Variants in SORL1 observed in about 807,000 individuals in gnomAD.
The protein encoded by SORL1 is sortilin related receptor 1, also known as sortilin-related receptor.
A neutral mutation model predicts 273.7 loss-of-function variants in SORL1; 127 were observed. That is an observed-to-expected ratio of 0.46 (90% CI 0.40 to 0.54). SORL1 has a LOEUF of 0.54. Ranked by LOEUF, SORL1 falls within the 20% of genes least tolerant of loss-of-function variation. SORL1 has a pLI of 0.00. For missense variants in SORL1, 2,494 were observed against 2,846.1 expected (o/e 0.88, Z 2.81); for synonymous variants, 1,031 against 1,067.4 (o/e 0.97, Z 0.66).
chr11:121,494,832 G>A (rs1422346816), intron 5 of SORL1, among the ~76,000 whole-genome samples: 3 of 152,118 alleles, frequency 2.0e-5, no homozygotes, highest in Admixed American at 1.3e-4. Flanking sequence ...CCTCTCTGCC[G>A]TTTTAAAAAT....
chr11:121,484,342 C>T (rs987679234), intron 3 of SORL1, among the ~76,000 whole-genome samples: 1 of 152,148 alleles, frequency 6.6e-6, no homozygotes, highest in Non-Finnish European at 1.5e-5. Flanking sequence ...CCCTGGAAGA[C>T]ATGAGGATGA....
intron 3 of SORL1, among the ~76,000 whole-genome samples, chr11:121,485,493 T>G (rs1393597440): frequency 6.6e-6 from 1 of 152,214 alleles, no homozygotes; most frequent in Admixed American, 6.5e-5. Context: ...TGAGTCACTG[T>G]GAACCCTGAA....
intron 25 of SORL1, among the ~76,000 whole-genome samples, chr11:121,580,725 C>G (rs1448868882): frequency 1.3e-5 from 2 of 151,602 alleles, no homozygotes; most frequent in African/African-American, 2.4e-5. Context: ...CCGCCTTAGC[C>G]TCTTGAGTAG....
chr11:121,525,650 AGTT>A (rs1862110083), intron 11 of SORL1, among the ~76,000 whole-genome samples: 1 of 152,230 alleles, frequency 6.6e-6, no homozygotes, highest in East Asian at 1.9e-4. Context: ...ATCTCATTGT[AGTT>A]GTAATTGGCA....
intron 26 of SORL1, among the ~76,000 whole-genome samples, chr11:121,584,403 C>T (rs1225806418): frequency 6.6e-6 from 1 of 152,174 alleles, no homozygotes; most frequent in Non-Finnish European, 1.5e-5. Flanking sequence ...TACCTAGTGA[C>T]ATTAACCATT....
intron 7 of SORL1, 73 bp downstream of exon 7, chr11:121,513,177 A>C: frequency 9.0e-7 from 1 of 1,107,180 alleles, no homozygotes; most frequent in Admixed American, 1.7e-5. Flanking sequence ...AGGTTGTTGC[A>C]GGGATGGCCT....
chr11:121,541,841 T>A (rs1862354157), intron 12 of SORL1, among the ~76,000 whole-genome samples: 1 of 152,354 alleles, frequency 6.6e-6, no homozygotes, highest in Non-Finnish European at 1.5e-5. Flanking sequence ...GTAAAATCAG[T>A]GCAGTTACTC....
intron 39 of SORL1, chr11:121,611,740 T>C (rs914520654): frequency 8.5e-5 from 13 of 152,388 alleles, no homozygotes; most frequent in African/African-American, 3.1e-4. Flanking sequence ...TCTCCATTGA[T>C]GAATTTGTGT....
chr11:121,547,372 A>G (rs1332229574), intron 14 of SORL1, among the ~76,000 whole-genome samples: 1 of 139,558 alleles, frequency 7.2e-6, no homozygotes, highest in African/African-American at 2.7e-5. Context: ...AAAAACAAAT[A>G]ACATTAAAAT....
intron 32 of SORL1, among the ~76,000 whole-genome samples, chr11:121,600,872 A>G (rs981865194): frequency 6.6e-6 from 1 of 151,380 alleles, no homozygotes; most frequent in Admixed American, 6.6e-5. Flanking sequence ...CCCAGATTCT[A>G]TTGTTTTTTT....
intron 3 of SORL1, among the ~76,000 whole-genome samples, chr11:121,480,152 T>C (rs1403758104): frequency 2.0e-5 from 3 of 152,196 alleles, no homozygotes; most frequent in African/African-American, 7.2e-5. Flanking sequence ...ATGTGTTGTA[T>C]GCTTGGAAAT....
intron 8 of SORL1, among the ~76,000 whole-genome samples, chr11:121,516,355 G>A (rs986010863): frequency 6.6e-6 from 1 of 152,154 alleles, no homozygotes; most frequent in African/African-American, 2.4e-5. Flanking sequence ...TGGGACGAGG[G>A]GTACGAAAGG....
Position 121,559,505 on chromosome 11 carries a change from G to A in SORL1, c.2911-14G>A, listed in dbSNP as rs1565336427. The A allele has an allele frequency of 6.2e-6, 10 of 1,611,294 alleles. No homozygotes were observed. Among genetic ancestry groups the A allele is most frequent in the Non-Finnish European group, 8.5e-6 (10 of 1,179,046 alleles). On this transcript the variant is annotated splice_polypyrimidine_tract_variant and intron_variant, in intron 20 of 47. Coordinates refer to ENST00000260197, the MANE Select transcript of SORL1 (RefSeq NM_003105.6). ...CGAAAGAGCTGGACTAATGGGCAAAGGTTTTCTTTTTAGAATGAAATCTAC... is the reference window on the plus strand; with the variant it reads ...CGAAAGAGCTGGACTAATGGGCAAAAGTTTTCTTTTTAGAATGAAATCTAC...
In SORL1 at chr11:121,604,340, CGGGCTGGGCT is replaced by C. The variant is rs746550595; in HGVS notation, c.4651+35_4651+44del. On this transcript the variant is annotated intron_variant, in intron 33 of 47. Coordinates refer to ENST00000260197, the MANE Select transcript of SORL1 (RefSeq NM_003105.6). ...GCCTGCAGTGGTGAGTGCCGGTCCA[CGGGCTGGGCT>C]GGGCTGGGCTGGGCTGGGAGGCTCG... 122 of 1,142,570 alleles carry C rather than the reference CGGGCTGGGCT, an allele frequency of 1.1e-4. No homozygotes were observed. The African/African-American group carries it at 1.4e-3, about 14-fold the overall frequency. 70.8% of individuals were successfully genotyped at this position (1,142,570 alleles called of 1,614,324 possible).
chr11:121,607,512 G>A (rs1164835517), intron 37 of SORL1, among the ~76,000 whole-genome samples: 1 of 152,206 alleles, frequency 6.6e-6, no homozygotes, highest in African/African-American at 2.4e-5. Context: ...ATAACCGGGC[G>A]TTTATGGGAA....
At chr11:121,497,389 T>G (rs1437159775) in intron 6 of SORL1, among the ~76,000 whole-genome samples, 2 of 152,212 alleles carry the variant, frequency 1.3e-5, no homozygotes, top group Non-Finnish European at 2.9e-5. Flanking sequence ...GGAGGGTGGC[T>G]CAGTGGCTTC....
At chr11:121,558,862 C>T in intron 20 of SORL1, 25 bp downstream of exon 20, 1 of 1,613,224 alleles carries the variant, frequency 6.2e-7, no homozygotes, top group Non-Finnish European at 8.5e-7. Flanking sequence ...TGCTGCCGGA[C>T]AGTCTGCTAG....
chr11:121,568,260 C>T (rs1025501177), intron 22 of SORL1, among the ~76,000 whole-genome samples: 2 of 152,186 alleles, frequency 1.3e-5, no homozygotes, highest in Non-Finnish European at 2.9e-5. Context: ...CAATACAAGC[C>T]TTTTAGTCAA....
At chr11:121,622,689 C>T (rs1360395507) in intron 45 of SORL1, among the ~76,000 whole-genome samples, 2 of 152,240 alleles carry the variant, frequency 1.3e-5, no homozygotes, top group East Asian at 3.9e-4. Flanking sequence ...TCAGCACTCT[C>T]TTCCCAGATA....
Sources: allele counts gnomAD v4.1 joint callset (sites outside exome capture counted in the v4.1 genomes callset), GRCh38; gene constraint gnomAD v4.1.1; transcripts MANE v1.5; gene names NCBI Gene and HGNC (gene_info 2026-07-23, HGNC 2026-07-21).